OPCML: variants seen among roughly 807,000 people sequenced by gnomAD.
The protein encoded by OPCML is opioid binding protein/cell adhesion molecule like, also known as opioid-binding protein/cell adhesion molecule.
Under a neutral mutation model 37.8 loss-of-function variants are expected in OPCML, and 13 were observed. That is an observed-to-expected ratio of 0.34 (90% CI 0.22 to 0.55). The LOEUF (loss-of-function observed/expected upper bound fraction) is 0.55. OPCML is among the 20% of genes least tolerant of loss of function. The pLI, the probability that OPCML is intolerant of heterozygous loss-of-function variation, is 0.91. For missense variants in OPCML, 341 were observed against 435.6 expected (o/e 0.78, Z 1.93); for synonymous variants, 176 against 168.8 (o/e 1.04, Z -0.33).
intron 1 of OPCML, among the ~76,000 whole-genome samples, chr11:132,982,569 C>T (rs1382198383): frequency 2.6e-5 from 4 of 151,178 alleles, no homozygotes; most frequent in African/African-American, 9.7e-5. Context: ...CTGGGTTTGA[C>T]ATCAAATGAC....
At chr11:132,617,343 C>A (rs1449637856) in intron 3 of OPCML, among the ~76,000 whole-genome samples, 2 of 152,104 alleles carry the variant, frequency 1.3e-5, no homozygotes, top group Non-Finnish European at 2.9e-5. Flanking sequence ...TTAAACTACA[C>A]AATAATAGGG....
intron 4 of OPCML, among the ~76,000 whole-genome samples, chr11:132,470,742 A>C (rs990552316): frequency 4.6e-5 from 7 of 152,348 alleles, no homozygotes; most frequent in African/African-American, 1.7e-4. Flanking sequence ...TCATCCAGTT[A>C]CCAAGTGACA....
rs547725746 is a variant in OPCML at position 133,280,464 on chromosome 11, T to A, written c.61+251800A>T. Reference sequence around the variant, plus strand: ...TAAAATTTCAACTGCCAGATTGCTTTCAAGGAACACTTCATTAGGGACACC... The same window carrying A: ...TAAAATTTCAACTGCCAGATTGCTTACAAGGAACACTTCATTAGGGACACC... On this transcript the variant is annotated intron_variant, in intron 1 of 7. Coordinates refer to ENST00000524381, the MANE Select transcript of OPCML (RefSeq NM_001012393.5). Among the ~76,000 whole-genome samples, 35 of 152,308 alleles carry A rather than the reference T, an allele frequency of 2.3e-4. No homozygotes were observed. The South Asian group carries it at 7.3e-3, about 32-fold the overall frequency.
chr11:132,797,864 G>A (rs1190692483), intron 2 of OPCML, among the ~76,000 whole-genome samples: 3 of 152,148 alleles, frequency 2.0e-5, no homozygotes, highest in African/African-American at 7.2e-5. Context: ...ACTGATCAGG[G>A]TGGTGGTTGC....
chr11:133,431,810 AT>A (rs1459684106), intron 1 of OPCML, among the ~76,000 whole-genome samples: 1 of 145,572 alleles, frequency 6.9e-6, no homozygotes, highest in African/African-American at 2.6e-5. Context: ...TTTATATATA[AT>A]ATATATAATA....
chr11:132,955,276 T>C (rs1945953302), intron 1 of OPCML, among the ~76,000 whole-genome samples: 1 of 152,170 alleles, frequency 6.6e-6, no homozygotes, highest in African/African-American at 2.4e-5. Context: ...TACAGCTGCC[T>C]GTGTTCATCA....
intron 1 of OPCML, among the ~76,000 whole-genome samples, chr11:133,125,627 G>T (rs1949489875): frequency 1.4e-5 from 2 of 140,564 alleles, no homozygotes; most frequent in African/African-American, 2.6e-5. Flanking sequence ...GTAGTATCTA[G>T]TATATAGTAT....
intron 1 of OPCML, among the ~76,000 whole-genome samples, chr11:133,492,080 T>C (rs1226342460): frequency 6.6e-6 from 1 of 152,206 alleles, no homozygotes; most frequent in African/African-American, 2.4e-5. Context: ...GCTCTCATCA[T>C]GACTGCATAT....
chr11:132,614,984 T>A (rs1474082238), intron 3 of OPCML, among the ~76,000 whole-genome samples: 1 of 152,224 alleles, frequency 6.6e-6, no homozygotes, highest in Non-Finnish European at 1.5e-5. Context: ...TCAAGTCAAA[T>A]TAAAATGTGA....
At chr11:133,168,173 A>C (rs1950239403) in intron 1 of OPCML, among the ~76,000 whole-genome samples, 1 of 152,324 alleles carries the variant, frequency 6.6e-6, no homozygotes, top group South Asian at 2.1e-4. Flanking sequence ...CATGTTTAGC[A>C]TCCTTAACAC....
chr11:133,317,363 C>T (rs980356835), intron 1 of OPCML, among the ~76,000 whole-genome samples: 1 of 152,188 alleles, frequency 6.6e-6, no homozygotes, highest in Admixed American at 6.5e-5. Context: ...GAAAACTTAT[C>T]TATCACAGAA....
At chr11:133,149,084 A>T (rs1452966452) in intron 1 of OPCML, among the ~76,000 whole-genome samples, 1 of 152,170 alleles carries the variant, frequency 6.6e-6, no homozygotes, top group African/African-American at 2.4e-5. Context: ...AACTGGGAAA[A>T]GCAACAGACC....
chr11:132,861,292 GCTT>G (rs1199715900), intron 2 of OPCML, among the ~76,000 whole-genome samples: 1 of 152,142 alleles, frequency 6.6e-6, no homozygotes, highest in Non-Finnish European at 1.5e-5. Context: ...TCAAAGCTGG[GCTT>G]CTTCATTTAT....
chr11:132,722,839 C>T lies in OPCML; in HGVS notation c.147-65520G>A, dbSNP rs556462984. On this transcript the variant is annotated intron_variant, in intron 2 of 7. Coordinates refer to ENST00000524381, the MANE Select transcript of OPCML (RefSeq NM_001012393.5). ...GAAAGGTGAAGTTTTAACACGATTG[C>T]TTCAGTGTCACTAAAGTGTCATCTC... is the stretch of plus-strand genomic sequence containing the variant. Among the ~76,000 whole-genome samples the T allele has an allele frequency of 2.0e-5, 3 of 152,286 alleles. No homozygotes were observed. The South Asian group carries it at 6.2e-4, about 32-fold the overall frequency.
chr11:132,707,609 G>A (rs11819972), intron 2 of OPCML, among the ~76,000 whole-genome samples: 1,948 of 152,198 alleles, frequency 0.013, 44 homozygotes, highest in African/African-American at 0.044. Flanking sequence ...TGGTTCAAAG[G>A]GGCATTGTTT....
chr11:132,431,276 C>G (rs2095995961), intron 7 of OPCML, among the ~76,000 whole-genome samples: 1 of 152,222 alleles, frequency 6.6e-6, no homozygotes, highest in Non-Finnish European at 1.5e-5. Context: ...TGAAAGTAAC[C>G]TTGGAGTTCA....
At chr11:132,967,879 T>A (rs1946249837) in intron 1 of OPCML, among the ~76,000 whole-genome samples, 5 of 151,938 alleles carry the variant, frequency 3.3e-5, no homozygotes. Context: ...TTCACCTTCA[T>A]TTTTTTTAAA....
intron 1 of OPCML, among the ~76,000 whole-genome samples, chr11:133,219,143 C>T (rs1592115462): frequency 6.6e-6 from 1 of 152,292 alleles, no homozygotes; most frequent in East Asian, 1.9e-4. Context: ...TATATGCAAG[C>T]ATGACTGGGG....
chr11:132,793,307 G>A (rs904188003), intron 2 of OPCML, among the ~76,000 whole-genome samples: 3 of 152,302 alleles, frequency 2.0e-5, no homozygotes, highest in East Asian at 3.9e-4. Flanking sequence ...TCTCAAGGTC[G>A]GAATCCATCC....
Sources: gnomAD v4.1 joint callset for allele counts (sites outside exome capture counted in the v4.1 genomes callset) on GRCh38, gnomAD v4.1.1 for gene constraint, MANE v1.5 for transcripts, NCBI Gene and HGNC (gene_info 2026-07-23, HGNC 2026-07-21) for gene names.